Variants in CRY1 observed in about 807,000 individuals in gnomAD.
The protein encoded by CRY1 is cryptochrome-1.
A neutral mutation model predicts 76.0 loss-of-function variants in CRY1; 45 were observed. The ratio of observed to expected loss-of-function variants is 0.59; its 90% CI spans 0.47 to 0.76. The LOEUF is 0.76. Ranked by LOEUF, CRY1 falls within the 30% of genes least tolerant of loss-of-function variation. The probability of loss-of-function intolerance (pLI) is 0.00; values close to 1 mark genes in which losing one functional copy is unlikely to be tolerated. For missense variants in CRY1, 587 were observed against 716.4 expected, an observed-to-expected ratio of 0.82 and a Z score of 2.06; for synonymous variants, 248 against 244.0, an observed-to-expected ratio of 1.02 and a Z score of -0.15.
At chr12:107,003,382 A>C (rs1306213956) in intron 3 of CRY1, among the ~76,000 whole-genome samples, 1 of 152,206 alleles carries the variant, frequency 6.6e-6, no homozygotes, top group Non-Finnish European at 1.5e-5. Context: ...GACAGGTGAA[A>C]TCCAACTCCA....
At chr12:107,001,665 T>A in intron 4 of CRY1, 99 bp downstream of exon 4, 1 of 1,112,552 alleles carries the variant, frequency 9.0e-7, no homozygotes, top group Non-Finnish European at 1.3e-6. Flanking sequence ...TCTCTCCTAA[T>A]GCAAAATACT....
chr12:107,008,526 T>C (rs902002122), intron 2 of CRY1, among the ~76,000 whole-genome samples: 1 of 152,252 alleles, frequency 6.6e-6, no homozygotes, highest in Non-Finnish European at 1.5e-5. Context: ...CTGTCTTCCA[T>C]GACTGCACTG....
At chr12:107,014,622 C>T (rs940923434) in intron 2 of CRY1, among the ~76,000 whole-genome samples, 2 of 151,896 alleles carry the variant, frequency 1.3e-5, no homozygotes, top group African/African-American at 4.8e-5. Context: ...CTTTTTCTAT[C>T]TTTAAGGTAG....
chr12:107,015,444 A>G (rs1389875686), intron 2 of CRY1, among the ~76,000 whole-genome samples: 1 of 150,362 alleles, frequency 6.7e-6, no homozygotes, highest in Non-Finnish European at 1.5e-5. Context: ...GGTTCAAGTG[A>G]TCATCCCTCC....
At chr12:107,054,251 A>G (rs185994157) in intron 1 of CRY1, among the ~76,000 whole-genome samples, 1 of 152,236 alleles carries the variant, frequency 6.6e-6, no homozygotes, top group Admixed American at 6.5e-5. Context: ...AGGGCCTTGA[A>G]TTATCTAATA....
intron 1 of CRY1, among the ~76,000 whole-genome samples, chr12:107,035,974 A>C (rs968968030): frequency 2.6e-5 from 4 of 152,190 alleles, no homozygotes; most frequent in Admixed American, 1.3e-4. Context: ...TTGACAAAAC[A>C]AAAGTTTTCA....
At chr12:107,004,776 A>G (rs1952351380) in intron 3 of CRY1, among the ~76,000 whole-genome samples, 1 of 152,216 alleles carries the variant, frequency 6.6e-6, no homozygotes, top group Non-Finnish European at 1.5e-5. Context: ...TGATAATGCT[A>G]AGAGCCCAGA....
At chr12:107,064,188 G>C (rs1037444681) in intron 1 of CRY1, among the ~76,000 whole-genome samples, 1 of 152,150 alleles carries the variant, frequency 6.6e-6, no homozygotes, top group Non-Finnish European at 1.5e-5. Context: ...TGCATGTAGA[G>C]ACACTATGCT....
rs143117410 is a variant in CRY1, at chr12:107,076,746, G to A, written c.158+16058C>T. Among the ~76,000 whole-genome samples, 1,112 of 152,240 alleles carry A rather than the reference G, an allele frequency of 7.3e-3. 11 individuals are homozygous for A. The highest frequency in any genetic ancestry group is 0.025 in the African/African-American group (1,039 of 41,544). The stretch of plus-strand genomic sequence containing the variant: ...TTGAAATGTAATCCCCAGTGTTGGA[G>A]GTGGGGCCTACTGGGAGGTGACTGG... On this transcript the variant is annotated intron_variant, in intron 1 of 12. Coordinates refer to ENST00000008527, the MANE Select transcript of CRY1 (RefSeq NM_004075.5).
chr12:107,073,979 C>T (rs1425205825), intron 1 of CRY1, among the ~76,000 whole-genome samples: 1 of 152,132 alleles, frequency 6.6e-6, no homozygotes, highest in Non-Finnish European at 1.5e-5. Context: ...TAAGCTTATC[C>T]TAATTTCTAA....
At chr12:107,055,842 A>C (rs1952976223) in intron 1 of CRY1, among the ~76,000 whole-genome samples, 1 of 152,078 alleles carries the variant, frequency 6.6e-6, no homozygotes, top group Non-Finnish European at 1.5e-5. Context: ...AAAAGAATGA[A>C]AGAAAAGGGC....
intron 1 of CRY1, among the ~76,000 whole-genome samples, chr12:107,080,857 G>GAGATACAT (rs1288887882): frequency 6.6e-6 from 1 of 151,964 alleles, no homozygotes; most frequent in Non-Finnish European, 1.5e-5. Context: ...CAAAGAAACT[G>GAGATACAT]AGATACATAG....
intron 1 of CRY1, among the ~76,000 whole-genome samples, chr12:107,032,508 AG>A (rs1429520737): frequency 3.2e-5 from 3 of 94,110 alleles, no homozygotes; most frequent in East Asian, 5.5e-4. Context: ...TAACTGTTAC[AG>A]ACACACACAC....
At chr12:107,087,510 C>T (rs1182365059) in intron 1 of CRY1, among the ~76,000 whole-genome samples, 2 of 152,238 alleles carry the variant, frequency 1.3e-5, no homozygotes, top group Admixed American at 6.5e-5. Flanking sequence ...AATGTCTGCC[C>T]TTGTAGGTTT....
At position 107,087,672 on chromosome 12, in the gene CRY1, C is replaced by T. The variant is rs552435001; in HGVS notation, c.158+5132G>A. 5.3e-5 allele frequency among the ~76,000 whole-genome samples: 8 copies of T among 152,080 alleles called. No individual in the cohort carries two copies. In the East Asian group the frequency reaches 7.7e-4, roughly 15 times the overall value. On this transcript the variant is annotated intron_variant, in intron 1 of 12. Coordinates refer to ENST00000008527, the MANE Select transcript of CRY1 (RefSeq NM_004075.5). ...GCTATAAGGAATCTGCCTTGAGTCT[C>T]GGATAAGATTTTAGACTTTGAGTTG...
At chr12:107,046,524 C>A (rs1311686227) in intron 1 of CRY1, among the ~76,000 whole-genome samples, 1 of 152,116 alleles carries the variant, frequency 6.6e-6, no homozygotes, top group Admixed American at 6.5e-5. Context: ...AGGAATAAGA[C>A]CTCACCAATC....
chr12:107,035,400 T>G (rs1041467080), intron 1 of CRY1, among the ~76,000 whole-genome samples: 1 of 152,198 alleles, frequency 6.6e-6, no homozygotes, highest in Admixed American at 6.5e-5. Context: ...AGAACAAAAT[T>G]AAGTGCCTGC....
intron 5 of CRY1, 65 bp downstream of exon 5, chr12:107,001,214 GA>G: frequency 8.2e-7 from 1 of 1,216,008 alleles, no homozygotes; most frequent in Non-Finnish European, 1.2e-6. Context: ...TTAAAAGAGA[GA>G]AAAATTATTT....
chr12:107,083,553 A>T (rs539199132), intron 1 of CRY1, among the ~76,000 whole-genome samples: 1 of 152,230 alleles, frequency 6.6e-6, no homozygotes, highest in Non-Finnish European at 1.5e-5. Context: ...AAATCAATAA[A>T]TGTAATCCAT....
Sources: gnomAD v4.1 joint callset for allele counts (sites outside exome capture counted in the v4.1 genomes callset) on GRCh38, gnomAD v4.1.1 for gene constraint, MANE v1.5 for transcripts, NCBI Gene and HGNC (gene_info 2026-07-23, HGNC 2026-07-21) for gene names.